The following TRPV1 variants were observed in gnomAD, a reference collection of about 807,000 sequenced individuals.
TRPV1 encodes OTRPC1.
Under a neutral mutation model 82.3 loss-of-function variants are expected in TRPV1, and 82 were observed. The observed-to-expected ratio is 1.00, with a 90% CI of 0.83 to 1.20. TRPV1 has a LOEUF of 1.20. Ranked by LOEUF, TRPV1 falls within the 50% of genes most tolerant of loss-of-function variation. TRPV1 has a pLI of 0.00. For synonymous variants in TRPV1, 515 were observed against 467.7 expected (o/e 1.10, Z -1.30); for missense variants, 1,067 against 1,096.8 (o/e 0.97, Z 0.38).
rs751311448 is a variant in TRPV1, at chr17:3,589,789, G to C, written c.1044+18C>G. 13 of 1,597,246 alleles carry C rather than the reference G, an allele frequency of 8.1e-6. No homozygotes were observed. In the East Asian group the frequency reaches 2.9e-4, roughly 36 times the overall value. ...TCAGCCCCGCACCGCACCAGCCTGA[G>C]CCGAAGCCCCCTCTTACCCCGATCT... On this transcript the variant is annotated intron_variant, in intron 7 of 16. Transcript: ENST00000572705.
At position 3,574,917 on chromosome 17, in the gene TRPV1, C is replaced by CAAA. The variant is rs55990804; in HGVS notation, c.1781-965_1781-963dup. Reference sequence around the variant, plus strand: ...TGGGCGACAGAACGAGACTCTATCTCAAAAAAAAAAAAAAAAAAAAAAGAT... The same window carrying CAAA: ...TGGGCGACAGAACGAGACTCTATCTCAAAAAAAAAAAAAAAAAAAAAAAAAGAT... On this transcript the variant is annotated intron_variant, in intron 13 of 16. Coordinates refer to ENST00000572705, the MANE Select transcript of TRPV1 (RefSeq NM_080704.4). Among the ~76,000 whole-genome samples, 410 of 82,850 alleles carry CAAA rather than the reference C, an allele frequency of 4.9e-3. 4 individuals carry two copies. Among genetic ancestry groups the CAAA allele is most frequent in the African/African-American group, 0.016 (344 of 21,784 alleles). 54.4% of individuals were successfully genotyped at this position (82,850 alleles called of 152,430 possible).
In TRPV1 at chr17:3,589,818, C is replaced by G. The variant is rs200550425; in HGVS notation, c.1033G>C (p.Gly345Arg). 1.2e-6 allele frequency: 2 copies of G among 1,612,056 alleles called. No individual in the cohort carries two copies. Among genetic ancestry groups the G allele is most frequent in the South Asian group, 2.2e-5 (2 of 90,752 alleles). The change falls in exon 7 of 17, where the codon GGG (glycine) becomes CGG (arginine). Residue 345 changes from glycine to arginine, a missense_variant. Coordinates refer to ENST00000572705, the MANE Select transcript of TRPV1 (RefSeq NM_080704.4). ...MTPLALAAGT[G>R]KIGVLAYILQ... ...AAGCCCCCTCTTACCCCGATCTTCC[C>G]GGTCCCAGCTGCCAGAGCCAGCGGC... is the stretch of plus-strand genomic sequence containing the variant.
At chr17:3,575,328 T>G (rs966121236) in intron 13 of TRPV1, among the ~76,000 whole-genome samples, 1 of 151,816 alleles carries the variant, frequency 6.6e-6, no homozygotes, top group Non-Finnish European at 1.5e-5. Flanking sequence ...ACTAAAAATA[T>G]AAAAATTAGC....
intron 2 of TRPV1, among the ~76,000 whole-genome samples, chr17:3,608,095 C>T (rs1475303841): frequency 6.6e-6 from 1 of 151,288 alleles, no homozygotes; most frequent in Non-Finnish European, 1.5e-5. Context: ...CCTGTAATCT[C>T]AGCTACTCAG....
At chr17:3,602,644 G>T (rs1161719068) in intron 2 of TRPV1, among the ~76,000 whole-genome samples, 4 of 152,062 alleles carry the variant, frequency 2.6e-5, no homozygotes, top group Non-Finnish European at 2.9e-5. Flanking sequence ...CCAGCCAGCG[G>T]CTGGGCCAAA....
chr17:3,595,765 G>A (rs1484405735), intron 2 of TRPV1: 1 of 152,252 alleles, frequency 6.6e-6, no homozygotes, highest in African/African-American at 2.4e-5. Flanking sequence ...CAGCCAACAG[G>A]AAGCAGCCGG....
intron 10 of TRPV1, among the ~76,000 whole-genome samples, chr17:3,582,536 T>A (rs1275019869): frequency 1.3e-5 from 2 of 151,936 alleles, no homozygotes; most frequent in African/African-American, 4.8e-5. Context: ...TATATAAATA[T>A]GGTTTTTGCA....
chr17:3,568,839 C>T (rs577128292), intron 16 of TRPV1, among the ~76,000 whole-genome samples: 7 of 152,056 alleles, frequency 4.6e-5, no homozygotes, highest in Non-Finnish European at 8.8e-5. Flanking sequence ...ATCAGGAGTT[C>T]GAGACCAGCC....
At chr17:3,601,904 T>C (rs2075266157) in intron 2 of TRPV1, 1 of 152,010 alleles carries the variant, frequency 6.6e-6, no homozygotes, top group Non-Finnish European at 1.5e-5. Context: ...CCAGAAGTGC[T>C]CACTTCTAAA....
At chr17:3,587,961 T>C (rs1040650591) in intron 8 of TRPV1, among the ~76,000 whole-genome samples, 3 of 152,228 alleles carry the variant, frequency 2.0e-5, no homozygotes, top group Non-Finnish European at 2.9e-5. Flanking sequence ...CTTTTGTCCA[T>C]GTCCCTCTGA....
At chr17:3,570,848 G>T (rs1419423445) in intron 16 of TRPV1, among the ~76,000 whole-genome samples, 1 of 152,026 alleles carries the variant, frequency 6.6e-6, no homozygotes, top group Non-Finnish European at 1.5e-5. Flanking sequence ...CGAGTAGCTG[G>T]GATTACAGGT....
At chr17:3,577,101 C>T (rs1193301779) in intron 13 of TRPV1, 25 bp downstream of exon 13, 6 of 1,569,078 alleles carry the variant, frequency 3.8e-6, no homozygotes, top group Non-Finnish European at 5.2e-6. Flanking sequence ...CCCTGCCCTC[C>T]CCCAGCGCTG....
chr17:3,583,561 AGT>A, intron 9 of TRPV1, 131 bp from the exon 10 acceptor site: 5 of 781,430 alleles, frequency 6.4e-6, no homozygotes, highest in South Asian at 1.8e-5. Flanking sequence ...ACACAAAGAC[AGT>A]GTGTTATTAG....
At chr17:3,589,219 T>TTG (rs1454815503) in intron 7 of TRPV1, among the ~76,000 whole-genome samples, 3 of 150,600 alleles carry the variant, frequency 2.0e-5, no homozygotes, top group Non-Finnish European at 4.4e-5. Context: ...CTTTTTTTTT[T>TTG]TTTTTGAGAC....
intron 14 of TRPV1, among the ~76,000 whole-genome samples, chr17:3,573,297 C>G (rs2074883659): frequency 6.6e-6 from 1 of 152,170 alleles, no homozygotes; most frequent in Non-Finnish European, 1.5e-5. Context: ...CTTCTTCCCT[C>G]CAGGACCACC....
At chr17:3,587,236 T>C (rs528132242) in intron 8 of TRPV1, among the ~76,000 whole-genome samples, 38 of 152,310 alleles carry the variant, frequency 2.5e-4, no homozygotes, top group African/African-American at 8.9e-4. Flanking sequence ...AGGTTCAGCA[T>C]GGCAGCCCAG....
intron 2 of TRPV1, among the ~76,000 whole-genome samples, chr17:3,607,830 C>T (rs1388946399): frequency 6.6e-6 from 1 of 152,126 alleles, no homozygotes; most frequent in Non-Finnish European, 1.5e-5. Flanking sequence ...AGCCCCCACA[C>T]CCAGCCAAAG....
chr17:3,579,664 C>T (rs1263903661), intron 11 of TRPV1, among the ~76,000 whole-genome samples: 7 of 152,006 alleles, frequency 4.6e-5, no homozygotes, highest in South Asian at 4.1e-4. Context: ...TTAGTAGAGA[C>T]GGGGTTTCAC....
chr17:3,588,520 C>T (rs899074964), intron 7 of TRPV1, among the ~76,000 whole-genome samples, 153 bp from the exon 8 acceptor site: 2 of 152,308 alleles, frequency 1.3e-5, no homozygotes, highest in African/African-American at 4.8e-5. Flanking sequence ...CTGAGATCAA[C>T]CAGCCGGCCG....
Sources: allele counts gnomAD v4.1 joint callset (sites outside exome capture counted in the v4.1 genomes callset), GRCh38; gene constraint gnomAD v4.1.1; transcripts MANE v1.5; gene names NCBI Gene and HGNC (gene_info 2026-07-23, HGNC 2026-07-21).